The following CA10 variants were observed in gnomAD, a reference collection of about 807,000 sequenced individuals.
CA10 encodes carbonic anhydrase 10 (inactive), also known as carbonic anhydrase-related protein 10.
In CA10, 14 loss-of-function variants were observed where a neutral mutation model predicts 44.2. That is an observed-to-expected ratio of 0.32 (90% CI 0.21 to 0.50). CA10 has a LOEUF of 0.50. Ranked by LOEUF, CA10 falls within the 20% of genes least tolerant of loss-of-function variation. The pLI is 0.99. For missense variants in CA10, 350 were observed against 409.7 expected (o/e 0.85, Z 1.26); for synonymous variants, 159 against 141.6 (o/e 1.12, Z -0.87).
At chr17:52,000,712 T>C (rs1460242375) in intron 2 of CA10, among the ~76,000 whole-genome samples, 2 of 152,062 alleles carry the variant, frequency 1.3e-5, no homozygotes, top group Admixed American at 1.3e-4. Flanking sequence ...CATATAAGCA[T>C]GTGTCAGATA....
chr17:51,656,981 C>T (rs976441779), intron 4 of CA10, among the ~76,000 whole-genome samples: 1 of 152,150 alleles, frequency 6.6e-6, no homozygotes, highest in Non-Finnish European at 1.5e-5. Context: ...AATAGAAAGG[C>T]TTTGAGCAGG....
rs528697630 is a variant in CA10 at position 52,072,734 on chromosome 17, C to G, written c.62-341G>C. Among the ~76,000 whole-genome samples, 11 of 150,238 alleles carry G rather than the reference C, an allele frequency of 7.3e-5. No individual in the cohort carries two copies. The South Asian group carries it at 2.3e-3, about 32-fold the overall frequency. On this transcript the variant is annotated intron_variant, in intron 1 of 8. Coordinates refer to ENST00000451037, the MANE Select transcript of CA10 (RefSeq NM_020178.5). ...ACACACACAACACACACACAGTGCT[C>G]CTGCTGAAACTGAGGAGACAGTAGG...
At chr17:51,825,697 T>C (rs1598065164) in intron 3 of CA10, among the ~76,000 whole-genome samples, 1 of 152,226 alleles carries the variant, frequency 6.6e-6, no homozygotes, top group African/African-American at 2.4e-5. Flanking sequence ...CATACAAACA[T>C]AGTGTCTTGC....
At chr17:51,929,245 A>AT (rs1269374279) in intron 3 of CA10, among the ~76,000 whole-genome samples, 2 of 152,010 alleles carry the variant, frequency 1.3e-5, no homozygotes, top group Non-Finnish European at 2.9e-5. Flanking sequence ...TCACATCAAC[A>AT]TTTTTCCTTT....
intron 3 of CA10, among the ~76,000 whole-genome samples, chr17:51,787,705 T>C (rs1161501270): frequency 2.0e-5 from 3 of 151,724 alleles, no homozygotes; most frequent in African/African-American, 7.3e-5. Context: ...ACCATGTTGG[T>C]CAGGCTGGTC....
chr17:51,749,950 A>G (rs745600006), intron 3 of CA10, among the ~76,000 whole-genome samples: 1 of 152,158 alleles, frequency 6.6e-6, no homozygotes, highest in Admixed American at 6.6e-5. Flanking sequence ...TTAAACCTCA[A>G]GTTATCTATT....
At chr17:52,017,893 G>C (rs1289153868) in intron 2 of CA10, among the ~76,000 whole-genome samples, 1 of 152,158 alleles carries the variant, frequency 6.6e-6, no homozygotes, top group East Asian at 1.9e-4. Flanking sequence ...AGGAAGAATG[G>C]TTTCATGAGC....
At chr17:51,906,878 C>T (rs186093794) in intron 3 of CA10, among the ~76,000 whole-genome samples, 38 of 152,266 alleles carry the variant, frequency 2.5e-4, no homozygotes, top group African/African-American at 8.2e-4. Context: ...TATTGCACTA[C>T]ATCACTTATC....
intron 2 of CA10, among the ~76,000 whole-genome samples, chr17:52,014,853 C>G (rs900665427): frequency 6.6e-6 from 1 of 151,984 alleles, no homozygotes; most frequent in Non-Finnish European, 1.5e-5. Flanking sequence ...ATTTGAAAAA[C>G]AAAGATATCT....
intron 3 of CA10, among the ~76,000 whole-genome samples, chr17:51,845,128 A>G (rs1365472063): frequency 6.6e-6 from 1 of 152,230 alleles, no homozygotes; most frequent in Non-Finnish European, 1.5e-5. Flanking sequence ...CAGAGGGAGC[A>G]CAGCTCTGCT....
chr17:51,807,374 C>A (rs1365489579), intron 3 of CA10, among the ~76,000 whole-genome samples: 2 of 152,136 alleles, frequency 1.3e-5, no homozygotes, highest in African/African-American at 4.8e-5. Flanking sequence ...GTGAAAAGCC[C>A]TTATTCATTT....
chr17:51,833,019 A>G (rs369532333), intron 3 of CA10, among the ~76,000 whole-genome samples: 1 of 152,164 alleles, frequency 6.6e-6, no homozygotes, highest in African/African-American at 2.4e-5. Context: ...GCAGGTCAGC[A>G]CCAGCCACAC....
intron 3 of CA10, among the ~76,000 whole-genome samples, chr17:51,841,810 G>C (rs1324654685): frequency 6.6e-6 from 1 of 152,190 alleles, no homozygotes; most frequent in Non-Finnish European, 1.5e-5. Context: ...GAAAGCTCCA[G>C]GGAGGGTATA....
chr17:52,109,924 C>T (rs1368356176), intron 1 of CA10, among the ~76,000 whole-genome samples: 1 of 152,202 alleles, frequency 6.6e-6, no homozygotes, highest in Non-Finnish European at 1.5e-5. Flanking sequence ...CTAGAGGCAT[C>T]ACATCCCATG....
At chr17:51,749,110 G>C (rs1409889502) in intron 3 of CA10, among the ~76,000 whole-genome samples, 1 of 152,192 alleles carries the variant, frequency 6.6e-6, no homozygotes, top group Non-Finnish European at 1.5e-5. Context: ...TGGCAATGTG[G>C]TGCAGCGACT....
intron 4 of CA10, among the ~76,000 whole-genome samples, chr17:51,724,601 A>C (rs1434675541): frequency 6.6e-6 from 1 of 152,206 alleles, no homozygotes; most frequent in African/African-American, 2.4e-5. Flanking sequence ...ACGGTGGGTA[A>C]ATTTTTCCTT....
chr17:51,992,770 G>A (rs1985087802), intron 2 of CA10, among the ~76,000 whole-genome samples: 3 of 152,062 alleles, frequency 2.0e-5, no homozygotes, highest in Admixed American at 1.3e-4. Flanking sequence ...GGTTCCCAAA[G>A]TCCAGAGGCT....
intron 3 of CA10, among the ~76,000 whole-genome samples, chr17:51,835,032 A>G (rs1908424186): frequency 6.6e-6 from 1 of 152,182 alleles, no homozygotes; most frequent in Admixed American, 6.5e-5. Context: ...CTAGCTGTAT[A>G]TAGGAAGAAT....
intron 4 of CA10, among the ~76,000 whole-genome samples, chr17:51,689,816 AAT>A (rs1331585832): frequency 6.6e-5 from 10 of 152,226 alleles, no homozygotes; most frequent in African/African-American, 2.2e-4. Context: ...ATGAAAATTC[AAT>A]ATGTTTATTG....
Sources: gnomAD v4.1 joint callset for allele counts (sites outside exome capture counted in the v4.1 genomes callset) on GRCh38, gnomAD v4.1.1 for gene constraint, MANE v1.5 for transcripts, NCBI Gene and HGNC (gene_info 2026-07-23, HGNC 2026-07-21) for gene names.